RAG1: variants seen among roughly 807,000 people sequenced by gnomAD.
RAG1 encodes the protein recombination activating 1, also known as V(D)J recombination-activating protein 1.
Under a neutral mutation model 62.7 loss-of-function variants are expected in RAG1, and 35 were observed. That is an observed-to-expected ratio of 0.56 (90% CI 0.43 to 0.74). The LOEUF (loss-of-function observed/expected upper bound fraction) is 0.74. Ranked by LOEUF, RAG1 falls within the 30% of genes least tolerant of loss-of-function variation. The probability of loss-of-function intolerance (pLI) is 0.00; values close to 1 mark genes in which losing one functional copy is unlikely to be tolerated. For synonymous variants in RAG1, 461 were observed against 470.3 expected, an observed-to-expected ratio of 0.98 and a Z score of 0.26; for missense variants, 1,169 against 1,278.6, an observed-to-expected ratio of 0.91 and a Z score of 1.31.
chr11:36,578,516 A>G lies in RAG1; in HGVS notation c.*2080A>G, dbSNP rs1261493778. The G allele has an allele frequency of 6.0e-6, 1 of 166,860 alleles. No homozygotes were observed. Among genetic ancestry groups the G allele is most frequent in the Admixed American group, 6.5e-5 (1 of 15,278 alleles). 10.3% of individuals were successfully genotyped at this position (166,860 alleles called of 1,614,324 possible). A position where few individuals can be genotyped will look rare whatever the true frequency, so the allele number is the denominator to read the frequency against. On this transcript the variant is annotated 3_prime_UTR_variant, in exon 2 of 2. Transcript: ENST00000299440. The stretch of plus-strand genomic sequence containing the variant: ...TACTGAAGCATGGTCATGCTGGTTT[A>G]TAGATTTTTTACCCATTTCTACTCT...
In RAG1 at chr11:36,575,624, G is replaced by T. The variant is rs104894282; in HGVS notation, c.2320G>T (p.Glu774Ter). The change falls in exon 2 of 2, where the codon GAA becomes TAA. Residue 774 changes from glutamate (E) to a stop codon, truncating the protein, a stop_gained. Coordinates refer to ENST00000299440, the MANE Select transcript of RAG1 (RefSeq NM_000448.3). LOFTEE classifies it high-confidence loss of function. The surrounding 1 kb of genome is among the most constrained non-coding windows in gnomAD (Gnocchi z 4.1). The stretch of plus-strand genomic sequence containing the variant: ...CAACCCTTACCATGAGTCTGTGGAA[G>T]AACTGCGGGATCGGGTGAAAGGGGT... ...RSNPYHESVE[E>*]LRDRVKGVSA... The T allele has an allele frequency of 6.8e-6, 11 of 1,614,130 alleles. No homozygotes were observed. Among genetic ancestry groups the T allele is most frequent in the Non-Finnish European group, 9.3e-6 (11 of 1,180,062 alleles).
intron 2 of RAG1, among the ~76,000 whole-genome samples, chr11:36,520,608 A>G (rs774956376): frequency 1.4e-4 from 22 of 152,168 alleles, no homozygotes; most frequent in Non-Finnish European, 2.9e-4. Flanking sequence ...GTGATAACAT[A>G]TATTTGAAAA....
At chr11:36,559,355 T>C (rs1850549633) in intron 3 of RAG1, among the ~76,000 whole-genome samples, 2 of 152,178 alleles carry the variant, frequency 1.3e-5, no homozygotes. Context: ...GAGAATCTTT[T>C]GAAGTTGAAT....
intron 2 of RAG1, among the ~76,000 whole-genome samples, chr11:36,525,301 G>C (rs1860143186): frequency 6.6e-6 from 1 of 152,092 alleles, no homozygotes; most frequent in South Asian, 2.1e-4. Flanking sequence ...GATTACTGTA[G>C]CTATATAATA....
intron 3 of RAG1, among the ~76,000 whole-genome samples, chr11:36,544,837 T>G (rs1850370639): frequency 6.6e-6 from 1 of 152,096 alleles, no homozygotes; most frequent in Admixed American, 6.5e-5. Flanking sequence ...GATCTGATGG[T>G]TTAAAAGTGT....
At chr11:36,525,385 A>G (rs1018695644) in intron 2 of RAG1, among the ~76,000 whole-genome samples, 2 of 152,152 alleles carry the variant, frequency 1.3e-5, no homozygotes, top group Non-Finnish European at 2.9e-5. Context: ...TAGTTCGTTT[A>G]CCTTCCATAT....
intron 3 of RAG1, among the ~76,000 whole-genome samples, chr11:36,549,451 A>T (rs1041120119): frequency 6.6e-6 from 1 of 152,258 alleles, no homozygotes; most frequent in African/African-American, 2.4e-5. Context: ...ACCCTATCAA[A>T]AAGTGGGCGA....
intron 2 of RAG1, among the ~76,000 whole-genome samples, chr11:36,527,162 C>A (rs933925494): frequency 6.6e-6 from 1 of 152,248 alleles, no homozygotes; most frequent in East Asian, 1.9e-4. Flanking sequence ...TTTGCCCATG[C>A]CTATGTCCTG....
At chr11:36,543,822 C>G (rs574500218) in intron 3 of RAG1, among the ~76,000 whole-genome samples, 1 of 152,312 alleles carries the variant, frequency 6.6e-6, no homozygotes, top group East Asian at 1.9e-4. Flanking sequence ...TTAGAAGATG[C>G]TATAAAGATT....
upstream of RAG1, among the ~76,000 whole-genome samples, chr11:36,563,687 G>A (rs191748582): frequency 7.0e-4 from 106 of 152,176 alleles, no homozygotes; most frequent in South Asian, 0.015. Flanking sequence ...ATAAAACAAA[G>A]CCACATAGTT....
At position 36,575,496 on chromosome 11, in the gene RAG1, C is replaced by G. The variant is rs1387606444; in HGVS notation, c.2192C>G (p.Thr731Ser). ...LEASGSVYIC[T>S]LCDATRLEAS... Reference sequence around the variant, plus strand: ...GCTTCTGGCTCAGTCTACATTTGTACTCTTTGTGATGCCACCCGTCTGGAA... The same window carrying G: ...GCTTCTGGCTCAGTCTACATTTGTAGTCTTTGTGATGCCACCCGTCTGGAA... Residue 731 changes from threonine to serine, a missense_variant, in exon 2 of 2, where the codon ACT becomes AGT. Physicochemically the swap from Thr to Ser is moderately conservative, Grantham distance 58. Around this residue, in one of 2 missense-constraint regions of RAG1, gnomAD observed 800 missense variants for 943.3 expected, o/e 0.85. Transcript: ENST00000299440. This position sits in a 1 kb window ranked among gnomAD's most constrained non-coding sequence, Gnocchi z 4.1. 2.5e-6 allele frequency: 4 copies of G among 1,614,242 alleles called. No homozygotes were observed. Among genetic ancestry groups the G allele is most frequent in the Non-Finnish European group, 2.5e-6 (3 of 1,180,042 alleles).
At chr11:36,573,261 C>A in intron 1 of RAG1, 30 bp from the exon 2 acceptor site, 3 of 1,611,168 alleles carry the variant, frequency 1.9e-6, no homozygotes, top group Non-Finnish European at 8.5e-7. Flanking sequence ...TGATATTGGT[C>A]TTAATATGAC....
At chr11:36,533,588 CT>C (rs148562730) in intron 2 of RAG1, among the ~76,000 whole-genome samples, 15,276 of 152,170 alleles carry the variant, frequency 0.1, 824 homozygotes, top group Non-Finnish European at 0.11. Context: ...TTGTCTCTTC[CT>C]TTTCATGGAT....
At position 36,573,571 on chromosome 11, in the gene RAG1, GA is replaced by G; in HGVS notation, c.270del (p.Lys90AsnfsTer49). 6.2e-7 allele frequency: 1 copy of G among 1,614,160 alleles called. No homozygotes were observed. The highest frequency in any genetic ancestry group is 1.1e-5 in the South Asian group (1 of 91,074). On this transcript the variant is annotated frameshift_variant, in exon 2 of 2. Coordinates refer to ENST00000299440, the MANE Select transcript of RAG1 (RefSeq NM_000448.3). LOFTEE classifies it high-confidence loss of function. ...TAAAAGCCCACCCTAAGTTTTCAAAGAAATTTCACGACAACGAGAAAGCAAG... is the reference window on the plus strand; with the variant it reads ...TAAAAGCCCACCCTAAGTTTTCAAAGAATTTCACGACAACGAGAAAGCAAG... ...LLKAHPKFSK[K>X]FHDNEKARGK...
intron 3 of RAG1, among the ~76,000 whole-genome samples, chr11:36,541,297 G>A (rs1212610109): frequency 6.6e-6 from 1 of 152,158 alleles, no homozygotes; most frequent in East Asian, 1.9e-4. Flanking sequence ...ACACACACAG[G>A]TCACATTGGG....
chr11:36,566,055 C>T (rs1404560600), upstream of RAG1, among the ~76,000 whole-genome samples: 2 of 151,996 alleles, frequency 1.3e-5, no homozygotes, highest in Non-Finnish European at 2.9e-5. Flanking sequence ...TTGAGCAATA[C>T]AGAAATCTAT....
chr11:36,517,187 G>A (rs1028486337), intron 1 of RAG1, among the ~76,000 whole-genome samples: 1 of 152,164 alleles, frequency 6.6e-6, no homozygotes, highest in Non-Finnish European at 1.5e-5. Flanking sequence ...ATCACGATTA[G>A]TTTTCTTGAA....
intron 2 of RAG1, among the ~76,000 whole-genome samples, chr11:36,533,344 T>G (rs1860282365): frequency 6.6e-6 from 1 of 152,164 alleles, no homozygotes. Context: ...CAGCTTATAT[T>G]GCCCTTGTTG....
intron 2 of RAG1, among the ~76,000 whole-genome samples, chr11:36,522,687 G>C (rs932201220): frequency 6.6e-6 from 1 of 152,182 alleles, no homozygotes; most frequent in Non-Finnish European, 1.5e-5. Context: ...TGTTTGCCTG[G>C]AAAAGCTACA....
Sources: gnomAD v4.1 joint callset for allele counts (sites outside exome capture counted in the v4.1 genomes callset) on GRCh38, gnomAD v4.1.1 for gene constraint, gnomAD v4.1.1 regional missense constraint, Gnocchi (gnomAD v3.1) non-coding constraint, MANE v1.5 for transcripts, NCBI Gene and HGNC (gene_info 2026-07-23, HGNC 2026-07-21) for gene names.